UNC79: variants seen among roughly 807,000 people sequenced by gnomAD.
The protein encoded by UNC79 is unc-79 subunit of NALCN channel complex.
UNC79 carries 37 observed loss-of-function variants against 283.1 expected under a neutral mutation model. That is an observed-to-expected ratio of 0.13 (90% confidence interval 0.10 to 0.17). UNC79 has a LOEUF of 0.17. UNC79 is among the 10% of genes least tolerant of loss of function. The pLI, the probability that UNC79 is intolerant of heterozygous loss-of-function variation, is 1.00. For missense variants in UNC79, 2,272 were observed against 3,211.1 expected (o/e 0.71, Z 7.07); for synonymous variants, 1,107 against 1,200.2 (o/e 0.92, Z 1.61).
chr14:93,635,132 C>T (rs1011826851), intron 31 of UNC79, among the ~76,000 whole-genome samples: 3 of 152,152 alleles, frequency 2.0e-5, no homozygotes, highest in African/African-American at 7.2e-5. Context: ...GCCGCACACC[C>T]CCATGCTCAT....
intron 32 of UNC79, among the ~76,000 whole-genome samples, chr14:93,638,860 T>G (rs1461019005): frequency 1.3e-5 from 2 of 152,218 alleles, no homozygotes; most frequent in Admixed American, 6.5e-5. Flanking sequence ...CCTAGTACAT[T>G]ACTTTTTGTT....
At chr14:93,526,512 A>G (rs1198219122) in intron 8 of UNC79, among the ~76,000 whole-genome samples, 1 of 152,190 alleles carries the variant, frequency 6.6e-6, no homozygotes. Flanking sequence ...ATCAAGATGG[A>G]AGGTTAATGT....
intron 41 of UNC79, among the ~76,000 whole-genome samples, chr14:93,678,151 C>G (rs1023648542): frequency 6.6e-6 from 1 of 152,164 alleles, no homozygotes; most frequent in South Asian, 2.1e-4. Flanking sequence ...GACAACCAGG[C>G]TTACATCAGG....
At chr14:93,555,967 G>C (rs1336823420) in intron 14 of UNC79, among the ~76,000 whole-genome samples, 1 of 152,184 alleles carries the variant, frequency 6.6e-6, no homozygotes, top group Non-Finnish European at 1.5e-5. Flanking sequence ...ATTGGGTTCA[G>C]GGTGGAGCCT....
intron 14 of UNC79, among the ~76,000 whole-genome samples, chr14:93,571,669 A>G (rs1352618382): frequency 1.3e-5 from 2 of 152,184 alleles, no homozygotes; most frequent in Non-Finnish European, 2.9e-5. Flanking sequence ...TCCATCTGTA[A>G]TCAATATTTG....
Position 93,690,348 on chromosome 14 carries a change from T to G in UNC79, c.7272+45T>G. On this transcript the variant is annotated intron_variant, in intron 45 of 48. Transcript: ENST00000555664. This position sits in a 1 kb window ranked among gnomAD's most constrained non-coding sequence, Gnocchi z 4.3. ...TTAAGACCGTATGCATCGCAATTGC[T>G]AATGGAAACCTTATCAGCCAATTAT... 1.3e-6 allele frequency: 2 copies of G among 1,570,404 alleles called. No individual in the cohort carries two copies. Among genetic ancestry groups the G allele is most frequent in the Non-Finnish European group, 1.7e-6 (2 of 1,153,432 alleles).
At chr14:93,355,599 C>G (rs1315862239) in intron 1 of UNC79, among the ~76,000 whole-genome samples, 3 of 152,184 alleles carry the variant, frequency 2.0e-5, no homozygotes, top group Non-Finnish European at 4.4e-5. Context: ...TCCCAAAGTA[C>G]TGGGATTATA....
At chr14:93,354,999 A>G (rs1205299276) in intron 1 of UNC79, among the ~76,000 whole-genome samples, 1 of 151,378 alleles carries the variant, frequency 6.6e-6, no homozygotes, top group Non-Finnish European at 1.5e-5. Flanking sequence ...CATGGAAGCC[A>G]TCTTTGTCTT....
intron 1 of UNC79, among the ~76,000 whole-genome samples, chr14:93,342,881 G>A (rs1339566718): frequency 6.6e-6 from 1 of 152,234 alleles, no homozygotes; most frequent in Non-Finnish European, 1.5e-5. Flanking sequence ...CATAGCAAGA[G>A]TGGCCTTTGT....
chr14:93,356,635 T>C (rs2054091226), intron 1 of UNC79, among the ~76,000 whole-genome samples: 1 of 152,234 alleles, frequency 6.6e-6, no homozygotes, highest in Non-Finnish European at 1.5e-5. Flanking sequence ...GTCTAGTAGA[T>C]GAGCAGAAAT....
In UNC79 at chr14:93,405,073, G is replaced by A. The variant is rs184700716; in HGVS notation, c.-350-62598G>A. Among the ~76,000 whole-genome samples the A allele has an allele frequency of 2.2e-3, 341 of 152,012 alleles. 1 individual carries two copies. Among genetic ancestry groups the A allele is most frequent in the Non-Finnish European group, 2.2e-3 (151 of 67,968 alleles). On this transcript the variant is annotated intron_variant, in intron 1 of 49. Coordinates refer to the UNC79 transcript ENST00000256339. ...CGAGGCGGATGGATCACCTGAGGTC[G>A]GTAGTTCGAGACCCGCCTGGCCAAC... is the stretch of plus-strand genomic sequence containing the variant.
At chr14:93,571,612 T>G (rs2063212803) in intron 14 of UNC79, among the ~76,000 whole-genome samples, 1 of 152,254 alleles carries the variant, frequency 6.6e-6, no homozygotes, top group South Asian at 2.1e-4. Flanking sequence ...CTTTGGAATT[T>G]TAATTCACAT....
At chr14:93,413,132 G>A (rs556750292) in intron 1 of UNC79, among the ~76,000 whole-genome samples, 41 of 151,600 alleles carry the variant, frequency 2.7e-4, no homozygotes, top group Admixed American at 2.1e-3. Flanking sequence ...TGCTGCACCC[G>A]TTAACTCATC....
chr14:93,642,681 CCATTT>C (rs1352102947), intron 33 of UNC79, among the ~76,000 whole-genome samples: 7 of 152,122 alleles, frequency 4.6e-5, no homozygotes, highest in Non-Finnish European at 2.9e-5. Flanking sequence ...TCTGTGCACT[CCATTT>C]CTTTTCTTTT....
At chr14:93,492,218 T>C (rs2058761195) in intron 5 of UNC79, among the ~76,000 whole-genome samples, 1 of 152,256 alleles carries the variant, frequency 6.6e-6, no homozygotes, top group Non-Finnish European at 1.5e-5. Flanking sequence ...GTTAACAATG[T>C]AATGTAGTAC....
At chr14:93,630,186 G>A (rs1245226398) in intron 30 of UNC79, among the ~76,000 whole-genome samples, 2 of 152,206 alleles carry the variant, frequency 1.3e-5, no homozygotes. Context: ...TACAGTCCAT[G>A]CTCCTAAATC....
chr14:93,457,052 A>C (rs1197393157), intron 1 of UNC79, among the ~76,000 whole-genome samples: 1 of 152,146 alleles, frequency 6.6e-6, no homozygotes, highest in Non-Finnish European at 1.5e-5. Flanking sequence ...TAGGAAGAGG[A>C]GGTAGTGGAA....
chr14:93,622,332 A>C, exon 30 of UNC79: 1 of 1,613,946 alleles, frequency 6.2e-7, no homozygotes, highest in Non-Finnish European at 8.5e-7. Flanking sequence ...TCTTCTAAGG[A>C]CTCAGGAAAT....
intron 25 of UNC79, among the ~76,000 whole-genome samples, 172 bp from the exon 26 acceptor site, chr14:93,603,067 A>G (rs2065628854): frequency 6.6e-6 from 1 of 152,228 alleles, no homozygotes; most frequent in Admixed American, 6.5e-5. Context: ...AAAAAAAATC[A>G]TGATAGGCAA....
Sources: gnomAD v4.1 joint callset for allele counts (sites outside exome capture counted in the v4.1 genomes callset) on GRCh38, gnomAD v4.1.1 for gene constraint, Gnocchi (gnomAD v3.1) non-coding constraint, MANE v1.5 for transcripts, NCBI Gene and HGNC (gene_info 2026-07-23, HGNC 2026-07-21) for gene names.